Variants in YME1L1 observed in about 807,000 individuals in gnomAD.
YME1L1 encodes ATP-dependent zinc metalloprotease YME1L1.
A neutral mutation model predicts 90.4 loss-of-function variants in YME1L1; 39 were observed. The ratio of observed to expected loss-of-function variants is 0.43; its 90% confidence interval spans 0.33 to 0.56. YME1L1 has a LOEUF of 0.56. YME1L1 is among the 20% of genes least tolerant of loss of function. YME1L1 has a pLI of 0.03. For missense variants in YME1L1, 617 were observed against 868.4 expected (o/e 0.71, Z 3.64); for synonymous variants, 284 against 287.3 (o/e 0.99, Z 0.12).
chr10:27,130,830 GCAA>G (rs772568981), intron 8 of YME1L1, among the ~76,000 whole-genome samples: 4 of 152,186 alleles, frequency 2.6e-5, no homozygotes, highest in African/African-American at 4.8e-5. Context: ...GCCAGCTTGG[GCAA>G]CAATAGCGAA....
Position 27,112,116 on chromosome 10 carries a change from G to A in YME1L1, c.2012C>T (p.Ser671Leu). Reference sequence around the variant, plus strand: ...CAAGATATGTTTTGCTCGTTCATATGAGTCCTGAAACAGAAAAGGAGATAC... The same window carrying A: ...CAAGATATGTTTTGCTCGTTCATATAAGTCCTGAAACAGAAAAGGAGATAC... ...EQEIRILLRDSYERAKHILKT... is the reference protein window; with the variant it reads ...EQEIRILLRDLYERAKHILKT... Residue 671 changes from serine to leucine, a missense_variant, in exon 19 of 19, where the codon TCA becomes TTA. By Grantham distance (145) the Ser-to-Leu change is moderately radical. This residue lies in a region of YME1L1 where 212 missense variants were observed against 330.0 expected (regional missense o/e 0.64). Coordinates refer to ENST00000376016, the MANE Select transcript of YME1L1 (RefSeq NM_014263.4). 1 of 1,612,636 alleles carries A rather than the reference G, an allele frequency of 6.2e-7. No individual in the cohort carries two copies. Among genetic ancestry groups the A allele is most frequent in the Non-Finnish European group, 8.5e-7 (1 of 1,179,614 alleles).
chr10:27,145,320 G>C, intron 3 of YME1L1, 108 bp downstream of exon 3: 1 of 960,382 alleles, frequency 1.0e-6, no homozygotes, highest in Non-Finnish European at 1.4e-6. Context: ...AACACTTCAG[G>C]AAAGAACCCA....
chr10:27,123,446 A>AC lies in YME1L1; in HGVS notation c.1102+100_1102+101insG, dbSNP rs548002256. 1.4e-3 allele frequency: 1,958 copies of AC among 1,390,970 alleles called. 21 individuals carry two copies. The highest frequency in any genetic ancestry group is 5.9e-3 in the East Asian group (239 of 40,454). The allele number at this position is 1,390,970 out of a possible 1,614,324, so 86.2% of individuals were successfully genotyped here. On this transcript the variant is annotated intron_variant, in intron 10 of 18. Coordinates refer to ENST00000376016, the MANE Select transcript of YME1L1 (RefSeq NM_014263.4). The stretch of plus-strand genomic sequence containing the variant: ...AAGCTGGAGGCCCCAAAAAATAGAA[A>AC]TTAAAAAAAGGAAGAAAAAAAGTAA...
Position 27,134,947 on chromosome 10 carries a change from T to C in YME1L1, c.575A>G (p.Glu192Gly), listed in dbSNP as rs756602535. 5 of 1,612,996 alleles carry C rather than the reference T, an allele frequency of 3.1e-6. No individual in the cohort carries two copies. The South Asian group carries it at 5.5e-5, about 18-fold the overall frequency. The change falls in exon 6 of 19, where the codon GAG (glutamate) becomes GGG (glycine). Residue 192 changes from glutamate to glycine, a missense_variant. This residue lies in a region of YME1L1 where 311 missense variants were observed against 335.8 expected (regional missense o/e 0.93). Transcript: ENST00000376016. ...GGTTTTCATGAGTTTGTCCAAACTCTCAACATCTGATCCTCTGTCCCGCAA... is the reference window on the plus strand; with the variant it reads ...GGTTTTCATGAGTTTGTCCAAACTCCCAACATCTGATCCTCTGTCCCGCAA... ...FLLRDRGSDV[E>G]SLDKLMKTKN...
At position 27,148,281 on chromosome 10, in the gene YME1L1, C is replaced by T. The variant is rs145308908; in HGVS notation, c.168+625G>A. ...GCAGTGGTGCGATCTTGGCTCACAGCGACCTCTGCCTCCTAGGCTCAAGCT... is the reference window on the plus strand; with the variant it reads ...GCAGTGGTGCGATCTTGGCTCACAGTGACCTCTGCCTCCTAGGCTCAAGCT... On this transcript the variant is annotated intron_variant, in intron 2 of 18. Coordinates refer to ENST00000376016, the MANE Select transcript of YME1L1 (RefSeq NM_014263.4). Among the ~76,000 whole-genome samples, 611 of 152,118 alleles carry T rather than the reference C, an allele frequency of 4.0e-3. 4 individuals carry two copies. Among genetic ancestry groups the T allele is most frequent in the African/African-American group, 0.014 (563 of 41,482 alleles).
chr10:27,152,217 ATTTATTTGAATTAGTTATATCTCT>A (rs1253055880), intron 1 of YME1L1, among the ~76,000 whole-genome samples: 2 of 152,186 alleles, frequency 1.3e-5, no homozygotes, highest in East Asian at 1.9e-4. Context: ...CTTTGAAAAG[ATTTATTTGAATTAGTTATATCTCT>A]TTTATTTGAA....
chr10:27,139,153 G>T (rs1463369801), intron 4 of YME1L1, among the ~76,000 whole-genome samples: 1 of 151,654 alleles, frequency 6.6e-6, no homozygotes, highest in Non-Finnish European at 1.5e-5. Flanking sequence ...TTCCTCTGTC[G>T]TGCTTGCGTG....
chr10:27,132,804 A>T (rs1420690435), intron 7 of YME1L1, among the ~76,000 whole-genome samples: 1 of 152,148 alleles, frequency 6.6e-6, no homozygotes, highest in African/African-American at 2.4e-5. Context: ...TGGGCAACAG[A>T]GCGAGACTCC....
rs569136741 is a variant in YME1L1, at chr10:27,112,041, T to C, written c.2087A>G (p.Tyr696Cys). 3.7e-6 allele frequency: 6 copies of C among 1,614,014 alleles called. No homozygotes were observed. Among genetic ancestry groups the C allele is most frequent in the African/African-American group, 2.7e-5 (2 of 74,938 alleles). ...AATCTCTTTGGCATCCAAAGTCTCA[T>C]AGGTCAATAAAGCTTCTGCGAGATT... Reference protein sequence around the residue: ...HKNLAEALLTYETLDAKEIQI... With the variant: ...HKNLAEALLTCETLDAKEIQI... Residue 696 changes from tyrosine to cysteine, a missense_variant, in exon 19 of 19, where the codon TAT (tyrosine) becomes TGT (cysteine). Physicochemically the swap from Tyr to Cys is radical, Grantham distance 194. Coordinates refer to ENST00000376016, the MANE Select transcript of YME1L1 (RefSeq NM_014263.4).
chr10:27,134,823 C>A lies in YME1L1; in HGVS notation c.691+8G>T. 1 of 1,613,378 alleles carries A rather than the reference C, an allele frequency of 6.2e-7. No individual in the cohort carries two copies. Among genetic ancestry groups the A allele is most frequent in the Non-Finnish European group, 8.5e-7 (1 of 1,179,482 alleles). On this transcript the variant is annotated splice_region_variant and intron_variant, in intron 6 of 18. Transcript: ENST00000376016. Reference sequence around the variant, plus strand: ...TTCTCAAACACGGATGGTGTCAATTCAACTTACCATTGGTTTTTTGTGTGA... The same window carrying A: ...TTCTCAAACACGGATGGTGTCAATTAAACTTACCATTGGTTTTTTGTGTGA...
intron 8 of YME1L1, among the ~76,000 whole-genome samples, chr10:27,129,539 A>T (rs574441058): frequency 4.6e-5 from 7 of 152,292 alleles, no homozygotes; most frequent in South Asian, 4.1e-4. Context: ...GAGTCCTCAG[A>T]TCACGTACTT....
At chr10:27,116,847 G>A (rs10443989) in intron 15 of YME1L1, among the ~76,000 whole-genome samples, 25,110 of 151,658 alleles carry the variant, frequency 0.17, 2,360 homozygotes, top group East Asian at 0.4. Context: ...GGGCAACATC[G>A]CGAGACTCCA....
At chr10:27,130,678 C>G (rs11015560) in intron 8 of YME1L1, among the ~76,000 whole-genome samples, 2 of 151,742 alleles carry the variant, frequency 1.3e-5, no homozygotes, top group Non-Finnish European at 2.9e-5. Context: ...ATGGTAAAAC[C>G]CTGTTTCTAC....
intron 12 of YME1L1, 101 bp from the exon 13 acceptor site, chr10:27,120,648 C>A: frequency 1.2e-6 from 1 of 818,250 alleles, no homozygotes; most frequent in Non-Finnish European, 1.9e-6. Flanking sequence ...CCAATGGCAG[C>A]CAGAGCGCAG....
intron 15 of YME1L1, among the ~76,000 whole-genome samples, chr10:27,117,289 A>G (rs2056822997): frequency 6.6e-6 from 1 of 152,018 alleles, no homozygotes; most frequent in Non-Finnish European, 1.5e-5. Flanking sequence ...AGAATTAGGC[A>G]GGGCATGGTG....
rs538913271 is a variant in YME1L1, at chr10:27,120,679, A to G, written c.1299-132T>C. On this transcript the variant is annotated intron_variant, in intron 12 of 18. Transcript: ENST00000376016. ...CGCAGATGGAGTTTTGTACATAAAT[A>G]TTCAGATAGTTCCTTTAAAACATGG... 34 of 610,998 alleles carry G rather than the reference A, an allele frequency of 5.6e-5. No individual in the cohort carries two copies. In the African/African-American group the frequency reaches 6.1e-4, roughly 11 times the overall value. The allele number at this position is 610,998 out of a possible 1,614,324, so 37.8% of individuals were successfully genotyped here.
At chr10:27,137,169 C>G (rs2057037740) in intron 4 of YME1L1, among the ~76,000 whole-genome samples, 2 of 152,142 alleles carry the variant, frequency 1.3e-5, no homozygotes, top group African/African-American at 4.8e-5. Context: ...AGCCCCAATC[C>G]CACTTCCCAG....
At chr10:27,140,051 G>A (rs1301197272) in intron 4 of YME1L1, among the ~76,000 whole-genome samples, 1 of 151,906 alleles carries the variant, frequency 6.6e-6, no homozygotes, top group Non-Finnish European at 1.5e-5. Context: ...CTGTTGCCCA[G>A]GATGGAGGTG....
chr10:27,116,806 T>C (rs577377490), intron 15 of YME1L1, among the ~76,000 whole-genome samples: 2 of 152,126 alleles, frequency 1.3e-5, no homozygotes, highest in East Asian at 3.9e-4. Context: ...GGTGTGAGGA[T>C]CACTTGAGCC....
Sources: gnomAD v4.1 joint callset for allele counts (sites outside exome capture counted in the v4.1 genomes callset) on GRCh38, gnomAD v4.1.1 for gene constraint, gnomAD v4.1.1 regional missense constraint, MANE v1.5 for transcripts, NCBI Gene and HGNC (gene_info 2026-07-23, HGNC 2026-07-21) for gene names.